Variants in UNC80 observed in about 807,000 individuals in gnomAD.
UNC80 encodes the protein protein unc-80 homolog.
A neutral mutation model predicts 384.6 loss-of-function variants in UNC80; 164 were observed. That is an observed-to-expected ratio of 0.43 (90% CI 0.38 to 0.49). UNC80 has a LOEUF of 0.49. Ranked by LOEUF, UNC80 falls within the 20% of genes least tolerant of loss-of-function variation. The pLI, the probability that UNC80 is intolerant of heterozygous loss-of-function variation, is 0.00. For synonymous variants in UNC80, 1,486 were observed against 1,527.8 expected (o/e 0.97, Z 0.64); for missense variants, 3,330 against 4,143.0 (o/e 0.80, Z 5.39).
At chr2:209,819,447 A>G (rs28450018) in intron 12 of UNC80, among the ~76,000 whole-genome samples, 186 bp downstream of exon 12, 1,921 of 152,284 alleles carry the variant, frequency 0.013, 41 homozygotes, top group African/African-American at 0.044. Flanking sequence ...TTTTTTTTCA[A>G]GCATTGCATT....
chr2:209,901,406 T>A (rs1219067016), intron 28 of UNC80, among the ~76,000 whole-genome samples: 1 of 152,176 alleles, frequency 6.6e-6, no homozygotes, highest in Admixed American at 6.5e-5. Flanking sequence ...ACAGCATGGT[T>A]TCCTGAGTAT....
chr2:209,973,176 G>A lies in UNC80; in HGVS notation c.8493G>A (p.Glu2831=). 1 of 1,551,666 alleles carries A rather than the reference G, an allele frequency of 6.4e-7. No homozygotes were observed. Among genetic ancestry groups the A allele is most frequent in the Non-Finnish European group, 8.7e-7 (1 of 1,146,998 alleles). The part of the protein sequence containing the change: ...STSRSKNFML[E]SSPAHCSTPG... ...CCAGGAGCAAGAACTTCATGTTAGA[G>A]AGCTCCCCAGCCCACTGCTCCACCC... The change falls in exon 56 of 65, where the codon GAG becomes GAA. Residue 2831 remains glutamate (E), a synonymous_variant. Coordinates refer to ENST00000673920, the MANE Select transcript of UNC80 (RefSeq NM_001371986.1).
intron 35 of UNC80, among the ~76,000 whole-genome samples, chr2:209,922,589 T>C (rs931275138): frequency 2.0e-5 from 3 of 152,242 alleles, no homozygotes; most frequent in African/African-American, 7.2e-5. Flanking sequence ...TTGGCTCTAT[T>C]TTAATTACAT....
rs570027229 is a variant in UNC80 at position 209,941,424 on chromosome 2, G to A, written c.6850G>A (p.Ala2284Thr). Residue 2284 changes from alanine (A) to threonine (T), a missense_variant, in exon 44 of 65, where the codon GCG (alanine) becomes ACG (threonine). By Grantham distance (58) the Ala-to-Thr change is moderately conservative (BLOSUM62 0). Around this residue, in one of 8 missense-constraint regions of UNC80, gnomAD observed 1,049 missense variants for 1,488.6 expected, o/e 0.70. Transcript: ENST00000673920. ...RQYAATVINT[A>T]VHFNHLFSLS... ...GTATGCTGCCACCGTCATCAACACC[G>A]CGGTGCACTTCAACCACCTCTTCTC... 1.2e-5 allele frequency: 18 copies of A among 1,548,520 alleles called. No individual in the cohort carries two copies. Among genetic ancestry groups the A allele is most frequent in the East Asian group, 4.9e-5 (2 of 40,798 alleles).
At chr2:209,879,785 C>T (rs1181386612) in intron 24 of UNC80, among the ~76,000 whole-genome samples, 1 of 152,084 alleles carries the variant, frequency 6.6e-6, no homozygotes, top group African/African-American at 2.4e-5. Context: ...GCTGGAAATT[C>T]TACAGAAGCT....
At chr2:209,787,018 T>TAC (rs1553514000) in intron 5 of UNC80, among the ~76,000 whole-genome samples, 54 of 128,574 alleles carry the variant, frequency 4.2e-4, no homozygotes, top group African/African-American at 1.4e-3. Context: ...TATATATATA[T>TAC]ACCTATATAT....
chr2:209,959,443 A>G (rs765438404), intron 50 of UNC80, 46 bp from the exon 51 acceptor site: 6 of 1,522,780 alleles, frequency 3.9e-6, no homozygotes, highest in Admixed American at 2.0e-5. Flanking sequence ...CAGCTGCTAC[A>G]TGAATACATT....
intron 36 of UNC80, among the ~76,000 whole-genome samples, chr2:209,928,701 G>A (rs2090620725): frequency 6.6e-6 from 1 of 152,022 alleles, no homozygotes; most frequent in African/African-American, 2.4e-5. Flanking sequence ...CTCTCTTCTA[G>A]CTATTTGAGA....
intron 18 of UNC80, among the ~76,000 whole-genome samples, chr2:209,837,796 G>C (rs1346068959): frequency 6.7e-6 from 1 of 149,856 alleles, no homozygotes; most frequent in Non-Finnish European, 1.5e-5. Context: ...TTTTGAGACG[G>C]AGTCTCGCTC....
chr2:209,997,632 T>C lies in UNC80; in HGVS notation c.*2037T>C, dbSNP rs2539864. 1 allele frequency: 152,196 copies of C among 152,350 alleles called. 76,021 individuals are homozygous for C. Among genetic ancestry groups the C allele is most frequent in the Middle Eastern group, 1 (294 of 294 alleles). The allele number at this position is 152,350 out of a possible 1,614,324, so 9.4% of individuals were successfully genotyped here. A position where few individuals can be genotyped will look rare whatever the true frequency, so the allele number is the denominator to read the frequency against. On this transcript the variant is annotated 3_prime_UTR_variant, in exon 65 of 65. Coordinates refer to ENST00000673920, the MANE Select transcript of UNC80 (RefSeq NM_001371986.1). ...GAACATGATTATGCTGGTCTGTCTG[T>C]CTTTTAGCCTGACTCCTTCACTCTT...
chr2:209,935,783 A>T lies in UNC80; in HGVS notation c.6248A>T (p.Asp2083Val). Residue 2083 changes from aspartate to valine, a missense_variant, in exon 40 of 65, where the codon GAC becomes GTC. Around this residue, in one of 8 missense-constraint regions of UNC80, gnomAD observed 1,049 missense variants for 1,488.6 expected, o/e 0.70. Coordinates refer to ENST00000673920, the MANE Select transcript of UNC80 (RefSeq NM_001371986.1). ...CCAACCCAGTTACCAGTCCATGAAGACACTCAATTTGAAGCCCTGTTGAAG... is the reference window on the plus strand; with the variant it reads ...CCAACCCAGTTACCAGTCCATGAAGTCACTCAATTTGAAGCCCTGTTGAAG... ...DIPTQLPVHE[D>V]TQFEALLKEC... 1 of 1,541,462 alleles carries T rather than the reference A, an allele frequency of 6.5e-7. No individual in the cohort carries two copies. The highest frequency in any genetic ancestry group is 8.7e-7 in the Non-Finnish European group (1 of 1,143,178).
rs989289377 is a variant in UNC80, at chr2:209,970,972, C to T, written c.8256+15C>T. Reference sequence around the variant, plus strand: ...TGCAGATACAGGTGTGACTGCCTTACCTGTTTGTCACGCTCATTAAGTTGC... The same window carrying T: ...TGCAGATACAGGTGTGACTGCCTTATCTGTTTGTCACGCTCATTAAGTTGC... On this transcript the variant is annotated intron_variant, in intron 54 of 64. Coordinates refer to ENST00000673920, the MANE Select transcript of UNC80 (RefSeq NM_001371986.1). 12 of 1,547,670 alleles carry T rather than the reference C, an allele frequency of 7.8e-6. No homozygotes were observed. The African/African-American group carries it at 1.5e-4, about 19-fold the overall frequency.
chr2:209,968,724 C>T (rs1002445367), intron 52 of UNC80: 3 of 152,094 alleles, frequency 2.0e-5, no homozygotes, highest in Admixed American at 6.6e-5. Flanking sequence ...CACAAGGGTG[C>T]GTCAAAATAA....
chr2:209,818,780 A>T (rs1307612251), intron 11 of UNC80, among the ~76,000 whole-genome samples: 1 of 152,192 alleles, frequency 6.6e-6, no homozygotes, highest in Non-Finnish European at 1.5e-5. Context: ...TATAATTCAC[A>T]TTTTCTACAA....
At chr2:209,887,482 A>G (rs957589234) in intron 25 of UNC80, among the ~76,000 whole-genome samples, 2 of 152,218 alleles carry the variant, frequency 1.3e-5, no homozygotes, top group African/African-American at 2.4e-5. Flanking sequence ...TAATCTCCCA[A>G]TCTTAAGGTC....
chr2:209,972,146 C>T (rs2092903719), intron 54 of UNC80, 55 bp from the exon 55 acceptor site: 7 of 1,530,864 alleles, frequency 4.6e-6, no homozygotes, highest in Admixed American at 4.1e-5. Context: ...TAAAAACAAA[C>T]ATACTAAATG....
intron 56 of UNC80, among the ~76,000 whole-genome samples, chr2:209,974,465 C>A (rs2092959940): frequency 6.6e-6 from 1 of 152,202 alleles, no homozygotes; most frequent in African/African-American, 2.4e-5. Flanking sequence ...TATGAGAAGA[C>A]ACTTGATGAG....
chr2:209,925,996 C>T (rs1201842499), intron 35 of UNC80, among the ~76,000 whole-genome samples: 1 of 152,082 alleles, frequency 6.6e-6, no homozygotes. Context: ...TGTTAAATAC[C>T]TTTTCTACCT....
chr2:209,959,365 C>A, intron 50 of UNC80, 124 bp from the exon 51 acceptor site: 1 of 1,115,476 alleles, frequency 9.0e-7, no homozygotes, highest in Non-Finnish European at 1.3e-6. Context: ...TCTCCTTGGC[C>A]TCACCCTACT....
Sources: allele counts gnomAD v4.1 joint callset (sites outside exome capture counted in the v4.1 genomes callset), GRCh38; gene constraint gnomAD v4.1.1; regional missense constraint gnomAD v4.1.1; transcripts MANE v1.5; gene names NCBI Gene and HGNC (gene_info 2026-07-23, HGNC 2026-07-21).